Variants in BAZ1A observed in about 807,000 individuals in gnomAD.
The protein encoded by BAZ1A is bromodomain adjacent to zinc finger domain 1A, also known as bromodomain adjacent to zinc finger domain protein 1A.
A neutral mutation model predicts 185.2 loss-of-function variants in BAZ1A; 50 were observed. That is an observed-to-expected ratio of 0.27 (90% CI 0.22 to 0.34). The LOEUF (loss-of-function observed/expected upper bound fraction) is 0.34, where lower values mean the gene tolerates loss of function less well. Ranked by LOEUF, BAZ1A falls within the 10% of genes least tolerant of loss-of-function variation. The pLI is 1.00. For synonymous variants in BAZ1A, 571 were observed against 615.6 expected (o/e 0.93, Z 1.07); for missense variants, 1,356 against 1,839.9 (o/e 0.74, Z 4.81).
In BAZ1A at chr14:34,826,160, A is replaced by T; in HGVS notation, c.393-4T>A. 2 of 1,605,570 alleles carry T rather than the reference A, an allele frequency of 1.2e-6. No homozygotes were observed. Among genetic ancestry groups the T allele is most frequent in the Non-Finnish European group, 8.5e-7 (1 of 1,177,764 alleles). On this transcript the variant is annotated splice_region_variant and splice_polypyrimidine_tract_variant and intron_variant, in intron 3 of 26. Coordinates refer to ENST00000360310, the MANE Select transcript of BAZ1A (RefSeq NM_013448.3). ...TTCCAAAATCCTACACTGCAACCTG[A>T]AATAAAATGATACATTTAAAAATGC... is the stretch of plus-strand genomic sequence containing the variant.
chr14:34,856,132 A>T (rs2042672719), intron 3 of BAZ1A, among the ~76,000 whole-genome samples: 1 of 152,186 alleles, frequency 6.6e-6, no homozygotes, highest in African/African-American at 2.4e-5. Flanking sequence ...AATCTGGCAA[A>T]GGTTAAAAGA....
intron 6 of BAZ1A, among the ~76,000 whole-genome samples, chr14:34,805,352 T>C (rs536749529): frequency 2.0e-5 from 3 of 152,362 alleles, no homozygotes; most frequent in African/African-American, 7.2e-5. Context: ...ATTTATTAAG[T>C]TGAGCTTCTT....
intron 21 of BAZ1A, among the ~76,000 whole-genome samples, chr14:34,767,411 G>T (rs1162045744): frequency 6.6e-6 from 1 of 152,072 alleles, no homozygotes; most frequent in Non-Finnish European, 1.5e-5. Flanking sequence ...CTAGCCAGCC[G>T]TGGTTGCAGG....
chr14:34,786,808 T>C (rs1483063633), intron 12 of BAZ1A, among the ~76,000 whole-genome samples: 1 of 151,354 alleles, frequency 6.6e-6, no homozygotes, highest in African/African-American at 2.4e-5. Context: ...GGTTTTCACC[T>C]TGTTGGTCAG....
At position 34,780,166 on chromosome 14, in the gene BAZ1A, T is replaced by C. The variant is rs972638485; in HGVS notation, c.2236+20A>G. ...TAAAAACAAATACACAAGAATGCCC[T>C]AAAGAAATTTCAGTATTACCCCTTC... On this transcript the variant is annotated intron_variant, in intron 17 of 26. Coordinates refer to ENST00000360310, the MANE Select transcript of BAZ1A (RefSeq NM_013448.3). 6.2e-7 allele frequency: 1 copy of C among 1,611,782 alleles called. No homozygotes were observed. The highest frequency in any genetic ancestry group is 2.2e-5 in the East Asian group (1 of 44,768).
In BAZ1A at chr14:34,756,496, C is replaced by T. The variant is rs1886257667; in HGVS notation, c.4387-1582G>A. ...TTTTTTTTTTTTTTTTTTTTTGAGA[C>T]AGAGTCTTGCCTAGGCTGGGGTGCA... On this transcript the variant is annotated intron_variant, in intron 25 of 26. Transcript: ENST00000360310. Among the ~76,000 whole-genome samples, 3 of 94,076 alleles carry T rather than the reference C, an allele frequency of 3.2e-5. No individual in the cohort carries two copies. In the South Asian group the frequency reaches 1.1e-3, roughly 35 times the overall value. The allele number at this position is 94,076 out of a possible 152,430, so 61.7% of individuals were successfully genotyped here. A position where few individuals can be genotyped will look rare whatever the true frequency, so the allele number is the denominator to read the frequency against.
intron 2 of BAZ1A, among the ~76,000 whole-genome samples, chr14:34,868,344 G>A (rs1043191516): frequency 6.6e-6 from 1 of 152,186 alleles, no homozygotes; most frequent in Non-Finnish European, 1.5e-5. Context: ...AGGAAAAGTT[G>A]CTGAGTTACA....
chr14:34,874,471 C>T lies in BAZ1A; in HGVS notation c.113+21G>A, dbSNP rs2138855174. On this transcript the variant is annotated intron_variant, in intron 2 of 26. Coordinates refer to ENST00000360310, the MANE Select transcript of BAZ1A (RefSeq NM_013448.3). The surrounding 1 kb of genome is among the most constrained non-coding windows in gnomAD (Gnocchi z 4.7). ...GGAGTCCCCACACCCCCCGCGGCCC[C>T]GCACACGGCCCGGCTCTTACTCGTA... 1 of 1,605,682 alleles carries T rather than the reference C, an allele frequency of 6.2e-7. No homozygotes were observed. The highest frequency in any genetic ancestry group is 8.5e-7 in the Non-Finnish European group (1 of 1,173,506).
chr14:34,758,772 G>T lies in BAZ1A; in HGVS notation c.4318C>A (p.Gln1440Lys). Residue 1440 changes from glutamine (Q) to lysine (K), a missense_variant, in exon 25 of 27, where the codon CAA becomes AAA. Transcript: ENST00000360310. ...TGTCGTACCAATTCTACAACAAGTT[G>T]TTCAAAAGCAGACAATTCATGAACT... Reference protein sequence around the residue: ...GGVHELSAFEQLVVELVRHDD... With the variant: ...GGVHELSAFEKLVVELVRHDD... The T allele has an allele frequency of 1.2e-6, 2 of 1,614,168 alleles. No homozygotes were observed. Among genetic ancestry groups the T allele is most frequent in the Non-Finnish European group, 1.7e-6 (2 of 1,180,014 alleles).
At chr14:34,804,562 T>C (rs1239047113) in intron 6 of BAZ1A, among the ~76,000 whole-genome samples, 2 of 152,248 alleles carry the variant, frequency 1.3e-5, no homozygotes, top group Non-Finnish European at 2.9e-5. Flanking sequence ...GTTCTGGCCA[T>C]GATAATAAAT....
At chr14:34,780,712 G>A (rs1349460096) in intron 16 of BAZ1A, among the ~76,000 whole-genome samples, 1 of 152,190 alleles carries the variant, frequency 6.6e-6, no homozygotes, top group Non-Finnish European at 1.5e-5. Flanking sequence ...GTGTAAAGGA[G>A]AAAGCAGTAA....
chr14:34,774,985 C>T (rs1251278255), intron 18 of BAZ1A, among the ~76,000 whole-genome samples: 2 of 152,038 alleles, frequency 1.3e-5, no homozygotes, highest in East Asian at 1.9e-4. Flanking sequence ...GAGACCAAGG[C>T]GGGTGGATTA....
chr14:34,852,999 T>C lies in BAZ1A; in HGVS notation c.392+9045A>G, dbSNP rs2042619719. ...TGTTCACTGCTCTATTTCCAGCATC[T>C]AGAACAGTGCAAGCGTACAGATGAT... On this transcript the variant is annotated intron_variant, in intron 3 of 26. Transcript: ENST00000360310. Among the ~76,000 whole-genome samples, 3 of 152,020 alleles carry C rather than the reference T, an allele frequency of 2.0e-5. No homozygotes were observed. The South Asian group carries it at 6.2e-4, about 32-fold the overall frequency.
In BAZ1A at chr14:34,764,809, T is replaced by G. The variant is rs766425215; in HGVS notation, c.3674A>C (p.Glu1225Ala). ...TTCATCGCCATCAACTTCATCATCC[T>G]CACCTCCCATACTGTCTTCCACATC... ...DEDVEDSMGG[E>A]DDEVDGDEEE... is the part of the protein sequence containing the mutation. Residue 1225 changes from glutamate to alanine, a missense_variant, in exon 23 of 27, where the codon GAG (glutamate) becomes GCG (alanine). Around this residue, in one of 7 missense-constraint regions of BAZ1A, gnomAD observed 309 missense variants for 355.3 expected, o/e 0.87. Coordinates refer to ENST00000360310, the MANE Select transcript of BAZ1A (RefSeq NM_013448.3). 1 of 1,613,474 alleles carries G rather than the reference T, an allele frequency of 6.2e-7. No individual in the cohort carries two copies. Among genetic ancestry groups the G allele is most frequent in the Non-Finnish European group, 8.5e-7 (1 of 1,179,418 alleles).
intron 7 of BAZ1A, among the ~76,000 whole-genome samples, chr14:34,801,658 T>C (rs1881569338): frequency 6.6e-6 from 1 of 152,174 alleles, no homozygotes; most frequent in East Asian, 1.9e-4. Context: ...CCTGTGATCC[T>C]AGCATTTTGG....
At chr14:34,773,862 T>C in intron 19 of BAZ1A, 136 bp from the exon 20 acceptor site, 1 of 913,368 alleles carries the variant, frequency 1.1e-6, no homozygotes, top group Middle Eastern at 3.3e-4. Flanking sequence ...TATCTAAAAA[T>C]AAGGTTACTA....
intron 2 of BAZ1A, among the ~76,000 whole-genome samples, chr14:34,867,144 A>T (rs1235636903): frequency 6.6e-6 from 1 of 152,082 alleles, no homozygotes; most frequent in Non-Finnish European, 1.5e-5. Context: ...CTGTAGTCCC[A>T]GCTATTGGGG....
chr14:34,805,226 G>A (rs965466013), intron 6 of BAZ1A, among the ~76,000 whole-genome samples: 2 of 152,204 alleles, frequency 1.3e-5, no homozygotes, highest in Non-Finnish European at 2.9e-5. Context: ...GAATTACCCA[G>A]TCTCAGGTAT....
At position 34,753,693 on chromosome 14, in the gene BAZ1A, C is replaced by A; in HGVS notation, c.4486G>T (p.Asp1496Tyr). Reference protein sequence around the residue: ...CEYKLASEFIDDIELMFSNCF... With the variant: ...CEYKLASEFIYDIELMFSNCF... Reference sequence around the variant, plus strand: ...TTCGAAAACATTAACTCAATGTCATCAATAAACTCAGCTAGAAAGGGAAAG... The same window carrying A: ...TTCGAAAACATTAACTCAATGTCATAAATAAACTCAGCTAGAAAGGGAAAG... Residue 1496 changes from aspartate to tyrosine, a missense_variant, in exon 27 of 27, where the codon GAT (aspartate) becomes TAT (tyrosine). This residue lies in a region of BAZ1A where 61 missense variants were observed against 117.9 expected (regional missense o/e 0.52). Coordinates refer to ENST00000360310, the MANE Select transcript of BAZ1A (RefSeq NM_013448.3). 1 of 1,574,474 alleles carries A rather than the reference C, an allele frequency of 6.4e-7. No individual in the cohort carries two copies. The highest frequency in any genetic ancestry group is 8.7e-7 in the Non-Finnish European group (1 of 1,152,598).
Sources: gnomAD v4.1 joint callset for allele counts (sites outside exome capture counted in the v4.1 genomes callset) on GRCh38, gnomAD v4.1.1 for gene constraint, gnomAD v4.1.1 regional missense constraint, Gnocchi (gnomAD v3.1) non-coding constraint, MANE v1.5 for transcripts, NCBI Gene and HGNC (gene_info 2026-07-23, HGNC 2026-07-21) for gene names.